ROBO2: variants seen among roughly 807,000 people sequenced by gnomAD.
The protein encoded by ROBO2 is roundabout homolog 2.
A neutral mutation model predicts 160.8 loss-of-function variants in ROBO2; 53 were observed. The ratio of observed to expected loss-of-function variants is 0.33; its 90% CI spans 0.26 to 0.41. ROBO2 has a LOEUF of 0.41. ROBO2 is among the 10% of genes least tolerant of loss of function. The pLI is 1.00. For synonymous variants in ROBO2, 664 were observed against 611.7 expected (o/e 1.09, Z -1.26); for missense variants, 1,577 against 1,722.4 (o/e 0.92, Z 1.49).
intron 2 of ROBO2, among the ~76,000 whole-genome samples, chr3:76,483,811 C>T (rs190185056): frequency 5.3e-5 from 8 of 152,108 alleles, no homozygotes; most frequent in African/African-American, 4.8e-5. Context: ...TGAGAACATG[C>T]GGTATGTGGT....
At chr3:76,440,610 A>G (rs1334563517) in intron 2 of ROBO2, among the ~76,000 whole-genome samples, 3 of 152,136 alleles carry the variant, frequency 2.0e-5, no homozygotes, top group Admixed American at 6.6e-5. Flanking sequence ...ACAGTGTAAA[A>G]CAATACCTCA....
chr3:77,372,537 C>T (rs989417226), intron 2 of ROBO2, among the ~76,000 whole-genome samples: 1 of 152,072 alleles, frequency 6.6e-6, no homozygotes, highest in African/African-American at 2.4e-5. Context: ...TAAAACATAA[C>T]CATCAGTAGT....
intron 2 of ROBO2, among the ~76,000 whole-genome samples, chr3:76,942,558 G>A (rs944596866): frequency 6.6e-6 from 1 of 152,170 alleles, no homozygotes; most frequent in Non-Finnish European, 1.5e-5. Flanking sequence ...AAAAGCAGAA[G>A]CTCATATATG....
intron 1 of ROBO2, among the ~76,000 whole-genome samples, chr3:75,930,916 T>C (rs1385408585): frequency 6.6e-6 from 1 of 152,226 alleles, no homozygotes; most frequent in African/African-American, 2.4e-5. Context: ...GTCAACCTAC[T>C]TTAATTCTTA....
upstream of ROBO2, chr3:77,039,871 C>CG (rs1264940865): frequency 3.9e-5 from 6 of 153,394 alleles, no homozygotes; most frequent in Admixed American, 3.3e-4. Flanking sequence ...TGCGAGGCTG[C>CG]GGGGGCTGGA....
chr3:77,299,409 T>C (rs1009183418), intron 2 of ROBO2, among the ~76,000 whole-genome samples: 2 of 152,218 alleles, frequency 1.3e-5, no homozygotes, highest in Non-Finnish European at 1.5e-5. Flanking sequence ...GGGTAACTTA[T>C]AAAGGAAAGA....
intron 2 of ROBO2, among the ~76,000 whole-genome samples, chr3:76,382,237 G>A (rs2076663533): frequency 6.6e-6 from 1 of 152,044 alleles, no homozygotes; most frequent in Admixed American, 6.5e-5. Context: ...CAAAATTCTG[G>A]GATCACAGGC....
intron 2 of ROBO2, among the ~76,000 whole-genome samples, chr3:77,034,101 T>C (rs937499815): frequency 9.9e-5 from 15 of 151,906 alleles, no homozygotes; most frequent in Admixed American, 3.3e-4. Flanking sequence ...GCTATCATTC[T>C]TTTTTGCTAA....
At chr3:77,399,728 G>C (rs2075622126) in intron 2 of ROBO2, among the ~76,000 whole-genome samples, 1 of 152,090 alleles carries the variant, frequency 6.6e-6, no homozygotes, top group Non-Finnish European at 1.5e-5. Flanking sequence ...TGGTGCCTGT[G>C]TATGGATCCA....
intron 2 of ROBO2, among the ~76,000 whole-genome samples, chr3:76,547,309 A>C (rs1483207053): frequency 2.0e-5 from 3 of 152,036 alleles, no homozygotes; most frequent in African/African-American, 7.2e-5. Flanking sequence ...AACCTTGTTC[A>C]ATTTAAAGCA....
intron 2 of ROBO2, among the ~76,000 whole-genome samples, chr3:76,682,497 C>A (rs1177674804): frequency 6.6e-6 from 1 of 152,058 alleles, no homozygotes; most frequent in South Asian, 2.1e-4. Flanking sequence ...TGACCTCCAC[C>A]TCCTGGGTTC....
At chr3:76,803,233 G>C (rs17042984) in intron 2 of ROBO2, among the ~76,000 whole-genome samples, 1 of 152,090 alleles carries the variant, frequency 6.6e-6, no homozygotes, top group South Asian at 2.1e-4. Flanking sequence ...ATTCAGAGGA[G>C]GTCGTTAGGT....
intron 20 of ROBO2, chr3:77,602,810 A>G (rs2153693068): frequency 6.3e-6 from 3 of 479,930 alleles, no homozygotes; most frequent in Non-Finnish European, 1.2e-5. Context: ...AGGGCAGGGT[A>G]GACAAAACAT....
At chr3:76,720,779 G>A (rs1172267865) in intron 2 of ROBO2, among the ~76,000 whole-genome samples, 2 of 152,116 alleles carry the variant, frequency 1.3e-5, no homozygotes, top group Non-Finnish European at 2.9e-5. Flanking sequence ...ACTCTCTTTT[G>A]CAAAGCCTGC....
intron 2 of ROBO2, among the ~76,000 whole-genome samples, chr3:76,520,799 C>T (rs746595636): frequency 6.6e-6 from 1 of 151,338 alleles, no homozygotes; most frequent in Admixed American, 6.6e-5. Context: ...ACAAAACAAA[C>T]ATTTTAAAAC....
chr3:76,974,769 G>A (rs2149298681), intron 2 of ROBO2, among the ~76,000 whole-genome samples: 1 of 152,026 alleles, frequency 6.6e-6, no homozygotes, highest in Non-Finnish European at 1.5e-5. Flanking sequence ...AATGTTTTTG[G>A]CCTCTCTTCC....
At chr3:76,723,724 C>T (rs373367958) in intron 2 of ROBO2, among the ~76,000 whole-genome samples, 35 of 152,330 alleles carry the variant, frequency 2.3e-4, no homozygotes, top group African/African-American at 8.2e-4. Context: ...ACACACTTTT[C>T]TCTTTCATCC....
In ROBO2 at chr3:76,018,650, G is replaced by A. The variant is rs188254799; in HGVS notation, c.109+81048G>A. ...CTGACTTCAAACTTAATTGTGTTGT[G>A]CTTAGAGAAATATATCTGTCTGATA... On this transcript the variant is annotated intron_variant, in intron 2 of 26. Coordinates refer to the ROBO2 transcript ENST00000487694. 7.9e-5 allele frequency among the ~76,000 whole-genome samples: 12 copies of A among 151,820 alleles called. No individual in the cohort carries two copies. The East Asian group carries it at 2.1e-3, about 27-fold the overall frequency.
At chr3:77,551,056 A>C in intron 8 of ROBO2, 67 bp downstream of exon 9, 2 of 1,532,554 alleles carry the variant, frequency 1.3e-6, no homozygotes, top group South Asian at 2.3e-5. Context: ...CACGTTAACC[A>C]TGTGGAGTTT....
Sources: gnomAD v4.1 joint callset for allele counts (sites outside exome capture counted in the v4.1 genomes callset) on GRCh38, gnomAD v4.1.1 for gene constraint, MANE v1.5 for transcripts, NCBI Gene and HGNC (gene_info 2026-07-23, HGNC 2026-07-21) for gene names.